RSRC1: variants seen among roughly 807,000 people sequenced by gnomAD.
RSRC1 encodes arginine and serine rich coiled-coil 1.
RSRC1 carries 39 observed loss-of-function variants against 49.1 expected under a neutral mutation model. That is an observed-to-expected ratio of 0.79 (90% CI 0.61 to 1.04). The LOEUF is 1.04. RSRC1 is among the 50% of genes least tolerant of loss of function. The probability of loss-of-function intolerance (pLI) is 0.00; values close to 1 mark genes in which losing one functional copy is unlikely to be tolerated. For synonymous variants in RSRC1, 143 were observed against 130.8 expected, an observed-to-expected ratio of 1.09 and a Z score of -0.63; for missense variants, 388 against 402.4, an observed-to-expected ratio of 0.96 and a Z score of 0.31.
intron 3 of RSRC1, among the ~76,000 whole-genome samples, chr3:158,187,268 G>T (rs1170105018): frequency 6.6e-6 from 1 of 152,102 alleles, no homozygotes; most frequent in East Asian, 1.9e-4. Context: ...AATATAGCTT[G>T]CATGCTTCTT....
chr3:158,252,238 C>T (rs1095639), intron 4 of RSRC1, among the ~76,000 whole-genome samples: 71,879 of 151,008 alleles, frequency 0.48, 17,655 homozygotes, highest in East Asian at 0.64. Context: ...CTCGGCTCAC[C>T]GCAAGCTCCA....
chr3:158,500,035 T>C (rs1203627524), intron 7 of RSRC1, among the ~76,000 whole-genome samples: 1 of 152,180 alleles, frequency 6.6e-6, no homozygotes, highest in African/African-American at 2.4e-5. Context: ...TTGAGGTATG[T>C]CCCTTGTATG....
chr3:158,113,850 CT>C (rs528430505), intron 1 of RSRC1, among the ~76,000 whole-genome samples: 8 of 150,758 alleles, frequency 5.3e-5, no homozygotes, highest in South Asian at 4.2e-4. Flanking sequence ...AATGGGATTC[CT>C]TTTTTTTTCT....
intron 7 of RSRC1, among the ~76,000 whole-genome samples, chr3:158,501,283 T>C (rs1374296752): frequency 2.0e-5 from 3 of 152,224 alleles, no homozygotes; most frequent in African/African-American, 7.2e-5. Context: ...GCCTATCTTA[T>C]GGTCTATCTT....
At chr3:158,501,894 A>G (rs1311933331) in intron 7 of RSRC1, among the ~76,000 whole-genome samples, 2 of 151,778 alleles carry the variant, frequency 1.3e-5, no homozygotes, top group African/African-American at 2.4e-5. Flanking sequence ...TCATTGTGCT[A>G]TTTGCTGCCT....
intron 4 of RSRC1, among the ~76,000 whole-genome samples, chr3:158,283,091 C>T (rs1433525748): frequency 6.6e-6 from 1 of 151,836 alleles, no homozygotes; most frequent in South Asian, 2.1e-4. Flanking sequence ...TAATCACATA[C>T]CAAAATTAGG....
In RSRC1 at chr3:158,424,702, C is replaced by G. The variant is rs912579280; in HGVS notation, c.584-36233C>G. ...TGGTAGAATTCGGCTGTGAATCCATCTGGTCCTGGACCCTTTTTGGTGGGT... is the reference window on the plus strand; with the variant it reads ...TGGTAGAATTCGGCTGTGAATCCATGTGGTCCTGGACCCTTTTTGGTGGGT... On this transcript the variant is annotated intron_variant, in intron 6 of 9. Transcript: ENST00000611884. Among the ~76,000 whole-genome samples, 789 of 152,164 alleles carry G rather than the reference C, an allele frequency of 5.2e-3. 11 individuals are homozygous for G. Among genetic ancestry groups the G allele is most frequent in the African/African-American group, 0.018 (761 of 41,538 alleles).
chr3:158,235,584 T>C (rs971101316), intron 4 of RSRC1, among the ~76,000 whole-genome samples: 3 of 152,180 alleles, frequency 2.0e-5, no homozygotes, highest in Admixed American at 2.0e-4. Context: ...AATGATGAGT[T>C]CATATATATT....
rs1011535300 is a variant in RSRC1 at position 158,381,874 on chromosome 3, A to G, written c.583+26966A>G. Among the ~76,000 whole-genome samples the G allele has an allele frequency of 4.6e-5, 7 of 152,298 alleles. No homozygotes were observed. In the South Asian group the frequency reaches 1.2e-3, roughly 27 times the overall value. On this transcript the variant is annotated intron_variant, in intron 6 of 9. Transcript: ENST00000611884. Reference sequence around the variant, plus strand: ...GTGAGTGAATGTGAGGGCCTAGGACATTACCATACAGTTCTGTTTACTTTA... The same window carrying G: ...GTGAGTGAATGTGAGGGCCTAGGACGTTACCATACAGTTCTGTTTACTTTA...
intron 3 of RSRC1, among the ~76,000 whole-genome samples, chr3:158,141,872 C>T (rs774300166): frequency 4.6e-5 from 7 of 152,060 alleles, no homozygotes; most frequent in Non-Finnish European, 1.0e-4. Context: ...CCGATATGGG[C>T]GGATCACTTG....
At chr3:158,311,289 T>G (rs1728107201) in intron 5 of RSRC1, among the ~76,000 whole-genome samples, 1 of 151,922 alleles carries the variant, frequency 6.6e-6, no homozygotes, top group Admixed American at 6.6e-5. Flanking sequence ...CCTTAGCACC[T>G]GGTATATCGG....
At chr3:158,500,049 A>T (rs1245103923) in intron 7 of RSRC1, among the ~76,000 whole-genome samples, 1 of 152,018 alleles carries the variant, frequency 6.6e-6, no homozygotes, top group African/African-American at 2.4e-5. Flanking sequence ...TTGTATGCCG[A>T]TTTTGCTGAG....
intron 4 of RSRC1, among the ~76,000 whole-genome samples, chr3:158,286,070 T>C (rs1726535707): frequency 1.3e-5 from 2 of 152,216 alleles, no homozygotes; most frequent in Non-Finnish European, 1.5e-5. Flanking sequence ...GTATTTGTTT[T>C]GTGAATATTG....
intron 6 of RSRC1, among the ~76,000 whole-genome samples, chr3:158,435,475 T>G (rs1735995731): frequency 6.6e-6 from 1 of 151,716 alleles, no homozygotes; most frequent in African/African-American, 2.4e-5. Flanking sequence ...ATAGGACTTG[T>G]GGTGGCTGTA....
intron 7 of RSRC1, among the ~76,000 whole-genome samples, chr3:158,472,998 A>G (rs976081074): frequency 6.6e-6 from 1 of 152,214 alleles, no homozygotes; most frequent in Non-Finnish European, 1.5e-5. Flanking sequence ...GGCGATCATT[A>G]AAAAGTCAGG....
At chr3:158,472,708 A>G (rs923054951) in intron 7 of RSRC1, among the ~76,000 whole-genome samples, 19 of 152,012 alleles carry the variant, frequency 1.2e-4, no homozygotes, top group Admixed American at 6.6e-5. Flanking sequence ...TTTCTTGTAA[A>G]TTTGTTTGAG....
At chr3:158,287,647 T>A (rs1326208113) in intron 4 of RSRC1, among the ~76,000 whole-genome samples, 1 of 152,186 alleles carries the variant, frequency 6.6e-6, no homozygotes, top group Non-Finnish European at 1.5e-5. Context: ...AAGTATATTA[T>A]TGACAACCGG....
chr3:158,316,623 T>G (rs1435513033), intron 5 of RSRC1, among the ~76,000 whole-genome samples: 1 of 151,920 alleles, frequency 6.6e-6, no homozygotes, highest in East Asian at 1.9e-4. Context: ...TTTTTGTATT[T>G]TTAGTAGAGA....
Position 158,285,877 on chromosome 3 carries a change from T to C in RSRC1, c.495-12162T>C, listed in dbSNP as rs1022014496. Among the ~76,000 whole-genome samples, 7 of 152,272 alleles carry C rather than the reference T, an allele frequency of 4.6e-5. No homozygotes were observed. In the South Asian group the frequency reaches 8.3e-4, roughly 18 times the overall value. The stretch of plus-strand genomic sequence containing the variant: ...ACTTCCTCTTTTCCTAATTGAATAC[T>C]CTTTATTTCCCTCTCCTGCCTAATT... On this transcript the variant is annotated intron_variant, in intron 4 of 9. Coordinates refer to ENST00000611884, the MANE Select transcript of RSRC1 (RefSeq NM_001271838.2).
Sources: allele counts gnomAD v4.1 joint callset (sites outside exome capture counted in the v4.1 genomes callset), GRCh38; gene constraint gnomAD v4.1.1; transcripts MANE v1.5; gene names NCBI Gene and HGNC (gene_info 2026-07-23, HGNC 2026-07-21).